The following TCF12 variants were observed in gnomAD, a reference collection of about 807,000 sequenced individuals.
TCF12 encodes the protein transcription factor 12.
A neutral mutation model predicts 86.0 loss-of-function variants in TCF12; 45 were observed. The observed-to-expected ratio is 0.52, with a 90% CI of 0.41 to 0.67. The LOEUF (loss-of-function observed/expected upper bound fraction) is 0.67, where lower values mean the gene tolerates loss of function less well. TCF12 is among the 30% of genes least tolerant of loss of function. TCF12 has a pLI of 0.00. For synonymous variants in TCF12, 330 were observed against 299.6 expected (o/e 1.10, Z -1.05); for missense variants, 881 against 859.9 (o/e 1.02, Z -0.31).
At chr15:57,029,877 A>T (rs2141335645) in intron 3 of TCF12, among the ~76,000 whole-genome samples, 1 of 152,350 alleles carries the variant, frequency 6.6e-6, no homozygotes, top group East Asian at 1.9e-4. Flanking sequence ...GCATAATTAC[A>T]TGTGAGATTC....
intron 3 of TCF12, among the ~76,000 whole-genome samples, chr15:56,937,284 G>T (rs1454829739): frequency 6.6e-6 from 1 of 151,798 alleles, no homozygotes; most frequent in Non-Finnish European, 1.5e-5. Context: ...GTCGCTGTTG[G>T]TGTATAGTAG....
chr15:57,007,812 T>TTCTC (rs1567241937), intron 3 of TCF12, among the ~76,000 whole-genome samples: 4 of 134,600 alleles, frequency 3.0e-5, no homozygotes, highest in African/African-American at 1.1e-4. Context: ...CTTTCTTTCT[T>TTCTC]TCTTTCTTTT....
chr15:57,119,134 C>T (rs910973453), intron 5 of TCF12, among the ~76,000 whole-genome samples: 33 of 152,034 alleles, frequency 2.2e-4, no homozygotes, highest in African/African-American at 7.7e-4. Context: ...CACTCTTTCA[C>T]CAGGCTGGAG....
intron 3 of TCF12, among the ~76,000 whole-genome samples, chr15:56,980,692 A>T (rs1273418363): frequency 6.6e-6 from 1 of 152,212 alleles, no homozygotes; most frequent in Non-Finnish European, 1.5e-5. Context: ...TGTGACAGCC[A>T]GATCAGTTGT....
chr15:57,218,688 T>A (rs1414780189), intron 8 of TCF12, among the ~76,000 whole-genome samples: 1 of 152,210 alleles, frequency 6.6e-6, no homozygotes, highest in Non-Finnish European at 1.5e-5. Flanking sequence ...CAGGACATTA[T>A]AAACTTTTGA....
chr15:57,228,776 A>T (rs983389667), intron 8 of TCF12, among the ~76,000 whole-genome samples: 1 of 152,004 alleles, frequency 6.6e-6, no homozygotes, highest in Non-Finnish European at 1.5e-5. Flanking sequence ...AATACAGCGA[A>T]TTGAATGGGA....
At chr15:56,961,586 T>A (rs1018522094) in intron 3 of TCF12, among the ~76,000 whole-genome samples, 2 of 152,220 alleles carry the variant, frequency 1.3e-5, no homozygotes, top group African/African-American at 2.4e-5. Flanking sequence ...AACTTCTTTT[T>A]GAGGCTTGTA....
chr15:57,139,952 C>T (rs2052837619), intron 5 of TCF12, among the ~76,000 whole-genome samples: 1 of 152,170 alleles, frequency 6.6e-6, no homozygotes, highest in Non-Finnish European at 1.5e-5. Flanking sequence ...TGCCGTCTTT[C>T]CCACAGAAAT....
intron 4 of TCF12, among the ~76,000 whole-genome samples, chr15:57,091,084 G>A (rs1337710423): frequency 3.3e-5 from 5 of 152,092 alleles, no homozygotes; most frequent in African/African-American, 1.2e-4. Flanking sequence ...TTTTAATGGT[G>A]TTTGTAATTT....
At chr15:57,025,789 T>G (rs2065790897) in intron 3 of TCF12, among the ~76,000 whole-genome samples, 1 of 152,236 alleles carries the variant, frequency 6.6e-6, no homozygotes, top group Non-Finnish European at 1.5e-5. Context: ...AAACGTAGAA[T>G]GAAACCTTAA....
In TCF12 at chr15:57,060,523, C is replaced by G. The variant is rs571598158; in HGVS notation, c.149-3227C>G. Among the ~76,000 whole-genome samples the G allele has an allele frequency of 1.8e-4, 27 of 152,200 alleles. 1 individual carries two copies. The South Asian group carries it at 5.6e-3, about 32-fold the overall frequency. ...ATTTATTAGAAAGTCAAATAAGGCT[C>G]AAAAGTGTTTCTATCATTAATTATT... is the stretch of plus-strand genomic sequence containing the variant. On this transcript the variant is annotated intron_variant, in intron 3 of 20. Transcript: ENST00000333725.
At chr15:57,080,972 G>A (rs1197329029) in intron 4 of TCF12, among the ~76,000 whole-genome samples, 1 of 152,152 alleles carries the variant, frequency 6.6e-6, no homozygotes, top group African/African-American at 2.4e-5. Context: ...AAGTTCTGCG[G>A]TAGATAAAAA....
chr15:57,085,200 C>A (rs1185618946), intron 4 of TCF12, among the ~76,000 whole-genome samples: 2 of 152,108 alleles, frequency 1.3e-5, no homozygotes, highest in Non-Finnish European at 2.9e-5. Flanking sequence ...TCATTACACA[C>A]AAAATTCTAT....
chr15:57,232,608 C>A, intron 10 of TCF12, 104 bp from the exon 11 acceptor site: 1 of 1,447,136 alleles, frequency 6.9e-7, no homozygotes, highest in Non-Finnish European at 9.3e-7. Flanking sequence ...TGCTCTTTAG[C>A]TGTAACTTGT....
intron 3 of TCF12, among the ~76,000 whole-genome samples, chr15:56,951,892 C>G (rs2061292428): frequency 6.6e-6 from 1 of 152,170 alleles, no homozygotes; most frequent in African/African-American, 2.4e-5. Flanking sequence ...AGAGGATTCT[C>G]CCACCATGGG....
chr15:57,134,410 T>G (rs190275035), intron 5 of TCF12: 1 of 152,358 alleles, frequency 6.6e-6, no homozygotes, highest in East Asian at 1.9e-4. Context: ...GTGTGTTTTC[T>G]CAGCATTTTA....
chr15:57,193,102 T>G (rs2057070253), intron 7 of TCF12, among the ~76,000 whole-genome samples: 1 of 152,202 alleles, frequency 6.6e-6, no homozygotes, highest in African/African-American at 2.4e-5. Context: ...TCACCAATCC[T>G]GCTAGTCAGT....
intron 3 of TCF12, among the ~76,000 whole-genome samples, chr15:57,024,238 T>TG (rs2065681933): frequency 1.6e-5 from 2 of 126,178 alleles, no homozygotes; most frequent in African/African-American, 7.3e-5. Context: ...TTTTTTTTTT[T>TG]TTGAGACGGA....
chr15:57,017,267 G>T (rs975176931), intron 3 of TCF12, among the ~76,000 whole-genome samples: 2 of 152,148 alleles, frequency 1.3e-5, no homozygotes, highest in African/African-American at 4.8e-5. Context: ...AATTTCAAAG[G>T]CATATACCCT....
Sources: gnomAD v4.1 joint callset for allele counts (sites outside exome capture counted in the v4.1 genomes callset) on GRCh38, gnomAD v4.1.1 for gene constraint, MANE v1.5 for transcripts, NCBI Gene and HGNC (gene_info 2026-07-23, HGNC 2026-07-21) for gene names.